CHN2: variants seen among roughly 807,000 people sequenced by gnomAD.
The protein encoded by CHN2 is chimerin 2, also known as beta-chimaerin.
A neutral mutation model predicts 56.3 loss-of-function variants in CHN2; 35 were observed. The observed-to-expected ratio is 0.62, with a 90% CI of 0.47 to 0.82. The LOEUF (loss-of-function observed/expected upper bound fraction) is 0.82. Among genes scored for constraint, CHN2 ranks in the 40% least tolerant of loss-of-function variants. CHN2 has a pLI of 0.00. For synonymous variants in CHN2, 210 were observed against 212.8 expected (o/e 0.99, Z 0.12); for missense variants, 491 against 580.5 (o/e 0.85, Z 1.58).
rs1282731386 is a variant in CHN2, at chr7:29,480,275, A to T, written c.577-4A>T. On this transcript the variant is annotated splice_polypyrimidine_tract_variant and splice_region_variant and intron_variant, in intron 6 of 12. Coordinates refer to ENST00000222792, the MANE Select transcript of CHN2 (RefSeq NM_004067.4). ...CCCCTCTCAAACTCTTTGCCTGTTC[A>T]CAGATCTCCTCCCTGGTTCGAAGGG... is the stretch of plus-strand genomic sequence containing the variant. The T allele has an allele frequency of 6.2e-7, 1 of 1,614,078 alleles. No homozygotes were observed. Among genetic ancestry groups the T allele is most frequent in the Non-Finnish European group, 8.5e-7 (1 of 1,180,052 alleles).
At chr7:29,322,952 G>A (rs1477597003) in intron 1 of CHN2, among the ~76,000 whole-genome samples, 3 of 152,080 alleles carry the variant, frequency 2.0e-5, no homozygotes, top group Non-Finnish European at 2.9e-5. Context: ...TCAAGAGATC[G>A]AGACCATCCT....
intron 7 of CHN2, among the ~76,000 whole-genome samples, chr7:29,483,135 G>C (rs185133647): frequency 2.1e-4 from 32 of 152,030 alleles, no homozygotes; most frequent in African/African-American, 7.7e-4. Flanking sequence ...CTTTTTTCTA[G>C]AGGCCTCCTA....
intron 1 of CHN2, chr7:29,293,036 C>A: frequency 8.8e-6 from 4 of 456,228 alleles, no homozygotes; most frequent in Non-Finnish European, 1.8e-5. Flanking sequence ...TCATCTTCCT[C>A]ACCTGCCACA....
At chr7:29,264,714 C>G (rs994017010) in intron 1 of CHN2, among the ~76,000 whole-genome samples, 2 of 152,022 alleles carry the variant, frequency 1.3e-5, no homozygotes, top group Non-Finnish European at 2.9e-5. Flanking sequence ...AACCAGAGAC[C>G]TTTGTTCACG....
At chr7:29,174,925 CAAAAT>C (rs1431778534) in intron 2 of CHN2, among the ~76,000 whole-genome samples, 4 of 149,548 alleles carry the variant, frequency 2.7e-5, no homozygotes, top group Non-Finnish European at 5.9e-5. Context: ...GAGAGAGACA[CAAAAT>C]AAACAAAATT....
chr7:29,197,891 G>A (rs1243199696), intron 1 of CHN2: 1 of 456,074 alleles, frequency 2.2e-6, no homozygotes, highest in Non-Finnish European at 4.4e-6. Flanking sequence ...TATGAGTTGG[G>A]CCTTGAAAGC....
In CHN2 at chr7:29,415,808, A is replaced by G. The variant is rs541466299; in HGVS notation, c.576+14980A>G. Among the ~76,000 whole-genome samples, 5 of 152,358 alleles carry G rather than the reference A, an allele frequency of 3.3e-5. No homozygotes were observed. The Middle Eastern group carries it at 0.01, about 311-fold the overall frequency. On this transcript the variant is annotated intron_variant, in intron 6 of 12. Transcript: ENST00000222792. ...GCCTGGGGCTCTGGGACATCAATGC[A>G]GTAACATTGAGGCATCTGCATTTTT...
At chr7:29,319,902 T>C (rs1795217528) in intron 1 of CHN2, among the ~76,000 whole-genome samples, 1 of 152,166 alleles carries the variant, frequency 6.6e-6, no homozygotes, top group Non-Finnish European at 1.5e-5. Flanking sequence ...TTTGTGCCCC[T>C]TCCCCTCCCC....
rs1345203690 is a variant in CHN2 at position 29,195,625 on chromosome 7, A to T, written c.49+635A>T. On this transcript the variant is annotated intron_variant, in intron 1 of 12. Transcript: ENST00000222792. ...GAGAGAGAGAGAGAGAGAGAGAGAG[A>T]GAGAGTGTGTGTGTGTGTGTGTGTG... Among the ~76,000 whole-genome samples, 228 of 116,078 alleles carry T rather than the reference A, an allele frequency of 2.0e-3. 1 individual carries two copies. The highest frequency in any genetic ancestry group is 0.012 in the Middle Eastern group (3 of 250). The allele number at this position is 116,078 out of a possible 152,430, so 76.2% of individuals were successfully genotyped here. A position where few individuals can be genotyped will look rare whatever the true frequency, so the allele number is the denominator to read the frequency against.
chr7:29,366,739 A>G (rs1047586944), intron 2 of CHN2, among the ~76,000 whole-genome samples: 9 of 152,296 alleles, frequency 5.9e-5, no homozygotes, highest in African/African-American at 1.9e-4. Context: ...GAAATGTGGT[A>G]CATTTCAAAA....
intron 1 of CHN2, among the ~76,000 whole-genome samples, chr7:29,234,493 G>A (rs1194140280): frequency 6.6e-6 from 1 of 152,100 alleles, no homozygotes; most frequent in East Asian, 1.9e-4. Context: ...TAACTCTTAA[G>A]TTTGCATGGG....
At chr7:29,327,853 T>C (rs1020667201) in intron 1 of CHN2, among the ~76,000 whole-genome samples, 1 of 152,208 alleles carries the variant, frequency 6.6e-6, no homozygotes, top group African/African-American at 2.4e-5. Context: ...TTTGCACTTA[T>C]TTTTTATTCA....
At chr7:29,360,333 C>G (rs1233071936) in intron 2 of CHN2, among the ~76,000 whole-genome samples, 1 of 152,114 alleles carries the variant, frequency 6.6e-6, no homozygotes, top group Non-Finnish European at 1.5e-5. Flanking sequence ...ACCAGCCTGA[C>G]CAATATGGAG....
chr7:29,488,399 G>A (rs760986283), intron 7 of CHN2, among the ~76,000 whole-genome samples: 15 of 152,128 alleles, frequency 9.9e-5, no homozygotes, highest in East Asian at 3.9e-4. Flanking sequence ...CCTGGGTGAC[G>A]CAGGATAGGC....
chr7:29,313,656 G>A (rs1460833447), intron 1 of CHN2, among the ~76,000 whole-genome samples: 4 of 152,126 alleles, frequency 2.6e-5, no homozygotes, highest in South Asian at 4.1e-4. Context: ...CCCTAAACCC[G>A]AAAACATTCA....
chr7:29,480,190 A>G (rs1787012331), intron 6 of CHN2, 89 bp from the exon 7 acceptor site: 13 of 1,611,944 alleles, frequency 8.1e-6, no homozygotes, highest in Non-Finnish European at 1.0e-5. Context: ...AGGAAACGCC[A>G]AGAACTGCTG....
chr7:29,467,047 T>C (rs1052065116), intron 6 of CHN2, among the ~76,000 whole-genome samples: 2 of 152,172 alleles, frequency 1.3e-5, no homozygotes, highest in African/African-American at 4.8e-5. Flanking sequence ...TTATGAAGCA[T>C]ATTAAAGCCA....
At chr7:29,466,443 C>A (rs185632732) in intron 6 of CHN2, among the ~76,000 whole-genome samples, 1 of 152,192 alleles carries the variant, frequency 6.6e-6, no homozygotes, top group Non-Finnish European at 1.5e-5. Flanking sequence ...AGTATTTTTA[C>A]TTTAAAACTT....
chr7:29,462,403 C>T (rs772149592), intron 6 of CHN2, among the ~76,000 whole-genome samples: 8 of 152,184 alleles, frequency 5.3e-5, no homozygotes, highest in Non-Finnish European at 1.0e-4. Context: ...CAGAGTACAG[C>T]AGGGATGGCT....
Sources: allele counts gnomAD v4.1 joint callset (sites outside exome capture counted in the v4.1 genomes callset), GRCh38; gene constraint gnomAD v4.1.1; transcripts MANE v1.5; gene names NCBI Gene and HGNC (gene_info 2026-07-23, HGNC 2026-07-21).